The following BCL11A variants were observed in gnomAD, a reference collection of about 807,000 sequenced individuals.
The protein encoded by BCL11A is BCL11 transcription factor A.
BCL11A carries 2 observed loss-of-function variants against 55.9 expected under a neutral mutation model. The observed-to-expected ratio is 0.04, with a 90% CI of 0.01 to 0.11. The LOEUF (loss-of-function observed/expected upper bound fraction) is 0.11. Ranked by LOEUF, BCL11A falls within the 10% of genes least tolerant of loss-of-function variation. The probability of loss-of-function intolerance (pLI) is 1.00; values close to 1 mark genes in which losing one functional copy is unlikely to be tolerated. For missense variants in BCL11A, 817 were observed against 1,137.1 expected (o/e 0.72, Z 4.05); for synonymous variants, 465 against 473.4 (o/e 0.98, Z 0.23).
In BCL11A at chr2:60,488,435, G is replaced by A. The variant is rs75806334; in HGVS notation, c.386-19602C>T. Among the ~76,000 whole-genome samples the A allele has an allele frequency of 3.7e-3, 565 of 152,326 alleles. 1 individual carries two copies. The highest frequency in any genetic ancestry group is 6.2e-3 in the Non-Finnish European group (420 of 68,026). Reference sequence around the variant, plus strand: ...AGGACAATGCCATAACAGGATTACAGCAAATGTGAAAGAAAGGACACACGT... The same window carrying A: ...AGGACAATGCCATAACAGGATTACAACAAATGTGAAAGAAAGGACACACGT... On this transcript the variant is annotated intron_variant, in intron 2 of 3. Transcript: ENST00000642384.
chr2:60,470,031 C>G (rs966041782), intron 2 of BCL11A, among the ~76,000 whole-genome samples: 1 of 152,156 alleles, frequency 6.6e-6, no homozygotes, highest in Admixed American at 6.5e-5. Context: ...ACATCCTGTT[C>G]TCCTTATATA....
downstream of BCL11A, among the ~76,000 whole-genome samples, chr2:60,457,041 A>C (rs1675972693): frequency 6.6e-6 from 1 of 152,210 alleles, no homozygotes; most frequent in Non-Finnish European, 1.5e-5. Flanking sequence ...TAATATAGTA[A>C]GTACTTTATG....
chr2:60,550,425 C>G (rs1441306829), intron 1 of BCL11A, among the ~76,000 whole-genome samples: 1 of 152,090 alleles, frequency 6.6e-6, no homozygotes, highest in African/African-American at 2.4e-5. Flanking sequence ...TCGCAAAGCT[C>G]GTTCCTCCCC....
chr2:60,480,676 G>A (rs1386139955), intron 2 of BCL11A, among the ~76,000 whole-genome samples: 1 of 152,140 alleles, frequency 6.6e-6, no homozygotes, highest in Non-Finnish European at 1.5e-5. Flanking sequence ...TGGACAATCA[G>A]GTTAATCATT....
intron 2 of BCL11A, among the ~76,000 whole-genome samples, chr2:60,521,647 G>A (rs1479966253): frequency 6.6e-6 from 1 of 152,156 alleles, no homozygotes; most frequent in Non-Finnish European, 1.5e-5. Flanking sequence ...AACCCTTGAC[G>A]TGTTCTTTGT....
At position 60,458,798 on chromosome 2, in the gene BCL11A, C is replaced by A; in HGVS notation, c.*1606G>T. The A allele has an allele frequency of 9.7e-7, 1 of 1,030,920 alleles. No individual in the cohort carries two copies. Among genetic ancestry groups the A allele is most frequent in the Non-Finnish European group, 1.2e-6 (1 of 856,832 alleles). The allele number at this position is 1,030,920 out of a possible 1,614,324, so 63.9% of individuals were successfully genotyped here. On this transcript the variant is annotated 3_prime_UTR_variant, in exon 4 of 4. Transcript: ENST00000642384. ...CTGATTAGAGAAAAGATACAGATAT[C>A]ACAGGCAGAGTCAAGTGCTATTTGA...
In BCL11A at chr2:60,498,193, G is replaced by T. The variant is rs1300991740; in HGVS notation, c.386-29360C>A. 2.0e-5 allele frequency among the ~76,000 whole-genome samples: 3 copies of T among 151,834 alleles called. No individual in the cohort carries two copies. In the East Asian group the frequency reaches 5.8e-4, roughly 29 times the overall value. On this transcript the variant is annotated intron_variant, in intron 2 of 3. Transcript: ENST00000642384. ...GGGCCTCTATGTAGACGGGTGTGTGGCTCCTTAAGGTGACCCAGCAGCCCT... is the reference window on the plus strand; with the variant it reads ...GGGCCTCTATGTAGACGGGTGTGTGTCTCCTTAAGGTGACCCAGCAGCCCT...
At chr2:60,540,289 C>T (rs1193838905) in intron 2 of BCL11A, among the ~76,000 whole-genome samples, 1 of 152,178 alleles carries the variant, frequency 6.6e-6, no homozygotes, top group Non-Finnish European at 1.5e-5. Flanking sequence ...ATGCTAAGTG[C>T]TTTTTATTGC....
At chr2:60,467,279 G>GTAC (rs1676750823) in intron 3 of BCL11A, among the ~76,000 whole-genome samples, 1 of 109,326 alleles carries the variant, frequency 9.1e-6, no homozygotes, top group Non-Finnish European at 1.8e-5. Flanking sequence ...GGTGGTGGTG[G>GTAC]TGGTAGTGAT....
chr2:60,451,710 T>G, exon 5 of BCL11A: 1 of 230,564 alleles, frequency 4.3e-6, no homozygotes, highest in East Asian at 6.2e-5. Context: ...TATCACCTTC[T>G]TTAGGATTTA....
At chr2:60,511,833 T>G (rs548207293) in intron 2 of BCL11A, among the ~76,000 whole-genome samples, 2 of 152,240 alleles carry the variant, frequency 1.3e-5, no homozygotes, top group Non-Finnish European at 2.9e-5. Context: ...ACTCTGTTTC[T>G]ATGAAGGCAA....
intron 2 of BCL11A, chr2:60,527,909 C>G (rs959208376): frequency 1.3e-5 from 2 of 152,210 alleles, no homozygotes; most frequent in African/African-American, 4.8e-5. Context: ...ATATTAATAG[C>G]GTCAGGGCAG....
chr2:60,478,568 C>T lies in BCL11A; in HGVS notation c.386-9735G>A, dbSNP rs75267717. On this transcript the variant is annotated intron_variant, in intron 2 of 3. Coordinates refer to ENST00000642384, the MANE Select transcript of BCL11A (RefSeq NM_022893.4). ...AAGAGATTCTGAGAACCAGAACTGG[C>T]CATTCTCCAGAATTAAAACCTATTA... Among the ~76,000 whole-genome samples, 14 of 152,344 alleles carry T rather than the reference C, an allele frequency of 9.2e-5. No homozygotes were observed. The East Asian group carries it at 2.7e-3, about 29-fold the overall frequency.
intron 2 of BCL11A, among the ~76,000 whole-genome samples, chr2:60,511,552 T>C (rs1319743255): frequency 1.3e-5 from 2 of 152,192 alleles, no homozygotes; most frequent in Non-Finnish European, 2.9e-5. Flanking sequence ...TTCCTTCTTC[T>C]TTTTTGGGGC....
At chr2:60,528,646 A>G (rs890967508) in intron 2 of BCL11A, 1 of 152,354 alleles carries the variant, frequency 6.6e-6, no homozygotes, top group South Asian at 2.1e-4. Flanking sequence ...GAGGTAGCAG[A>G]GGGTGGCGGC....
chr2:60,493,406 G>T lies in BCL11A; in HGVS notation c.386-24573C>A, dbSNP rs533680681. Among the ~76,000 whole-genome samples, 40 of 152,124 alleles carry T rather than the reference G, an allele frequency of 2.6e-4. No homozygotes were observed. In the South Asian group the frequency reaches 7.9e-3, roughly 30 times the overall value. ...GAGCCCTCATTTTGTCATCCTCCAG[G>T]CTGCCCCCCTCCCACCCCATTCCCT... On this transcript the variant is annotated intron_variant, in intron 2 of 3. Coordinates refer to ENST00000642384, the MANE Select transcript of BCL11A (RefSeq NM_022893.4).
rs756699731 is a variant in BCL11A, at chr2:60,553,482, CAAAAAAAAAAAAAAA to C, written c.-227_-213del. The C allele has an allele frequency of 4.5e-4, 16 of 35,186 alleles. No individual in the cohort carries two copies. Among genetic ancestry groups the C allele is most frequent in the South Asian group, 2.2e-3 (1 of 456 alleles). 2.2% of individuals were successfully genotyped at this position (35,186 alleles called of 1,614,324 possible). A position where few individuals can be genotyped will look rare whatever the true frequency, so the allele number is the denominator to read the frequency against. On this transcript the variant is annotated 5_prime_UTR_variant, in exon 1 of 4. Coordinates refer to ENST00000642384, the MANE Select transcript of BCL11A (RefSeq NM_022893.4). Reference sequence around the variant, plus strand: ...AGAGCCGTCATGGCTTTTTTTTAAGCAAAAAAAAAAAAAAAAAAAAAAAAAAAAAGAGGGAGAGAG... The same window carrying C: ...AGAGCCGTCATGGCTTTTTTTTAAGCAAAAAAAAAAAAAAGAGGGAGAGAG...
Position 60,460,819 on chromosome 2 carries a change from C to G in BCL11A, c.2093G>C (p.Arg698Pro). ...SEHSSENGSLRFSTPPGELDG... is the reference protein window; with the variant it reads ...SEHSSENGSLPFSTPPGELDG... ...CAGCTCCCCGGGCGGTGTGGAGAAG[C>G]GCAAACTCCCGTTCTCCGAGGAGTG... The change falls in exon 4 of 4, where the codon CGC becomes CCC. Residue 698 changes from arginine (R) to proline (P), a missense_variant. Transcript: ENST00000642384. The G allele has an allele frequency of 6.2e-7, 1 of 1,612,814 alleles. No homozygotes were observed. The highest frequency in any genetic ancestry group is 8.5e-7 in the Non-Finnish European group (1 of 1,180,020).
At chr2:60,507,112 C>A (rs1679638946) in intron 2 of BCL11A, among the ~76,000 whole-genome samples, 1 of 151,326 alleles carries the variant, frequency 6.6e-6, no homozygotes. Context: ...TAGTCATAAA[C>A]AAGCACTATT....
Sources: allele counts gnomAD v4.1 joint callset (sites outside exome capture counted in the v4.1 genomes callset), GRCh38; gene constraint gnomAD v4.1.1; transcripts MANE v1.5; gene names NCBI Gene and HGNC (gene_info 2026-07-23, HGNC 2026-07-21).